Variants in TMEM39A observed in about 807,000 individuals in gnomAD.
TMEM39A encodes the protein suppressor of SQST-1 aggregates in rpl-43 mutants.
TMEM39A carries 19 observed loss-of-function variants against 51.9 expected under a neutral mutation model. That is an observed-to-expected ratio of 0.37 (90% confidence interval 0.26 to 0.54). The LOEUF (loss-of-function observed/expected upper bound fraction) is 0.54. Among genes scored for constraint, TMEM39A ranks in the 20% least tolerant of loss-of-function variants. The pLI is 0.88. For missense variants in TMEM39A, 433 were observed against 590.5 expected, an observed-to-expected ratio of 0.73 and a Z score of 2.76; for synonymous variants, 197 against 220.2, an observed-to-expected ratio of 0.89 and a Z score of 0.93.
intron 5 of TMEM39A, among the ~76,000 whole-genome samples, chr3:119,441,189 C>T (rs530867851): frequency 1.3e-5 from 2 of 152,236 alleles, no homozygotes; most frequent in South Asian, 2.1e-4. Context: ...AAATGGCCTC[C>T]GAGTGTTCAA....
chr3:119,444,621 T>G lies in TMEM39A; in HGVS notation c.575+2397A>C, dbSNP rs79409385. 1.2e-4 allele frequency among the ~76,000 whole-genome samples: 18 copies of G among 152,320 alleles called. No homozygotes were observed. The East Asian group carries it at 3.5e-3, about 29-fold the overall frequency. ...ACCCACATAAATTCACGCTAACACTTCAGCACCATAAATAATATAAAGCAG... is the reference window on the plus strand; with the variant it reads ...ACCCACATAAATTCACGCTAACACTGCAGCACCATAAATAATATAAAGCAG... On this transcript the variant is annotated intron_variant, in intron 5 of 8. Coordinates refer to ENST00000319172, the MANE Select transcript of TMEM39A (RefSeq NM_018266.3).
chr3:119,454,624 T>C (rs1306363253), intron 3 of TMEM39A, among the ~76,000 whole-genome samples: 1 of 152,184 alleles, frequency 6.6e-6, no homozygotes, highest in Admixed American at 6.5e-5. Flanking sequence ...ACCCTGTCTC[T>C]ACTAAAAATA....
At chr3:119,439,135 A>G (rs748041679) in intron 5 of TMEM39A, among the ~76,000 whole-genome samples, 10 of 152,216 alleles carry the variant, frequency 6.6e-5, no homozygotes, top group Non-Finnish European at 1.2e-4. Context: ...GAGACTTCTG[A>G]TAACTTCTTA....
At chr3:119,439,676 T>C (rs1470251560) in intron 5 of TMEM39A, among the ~76,000 whole-genome samples, 2 of 152,156 alleles carry the variant, frequency 1.3e-5, no homozygotes, top group Non-Finnish European at 2.9e-5. Flanking sequence ...GAACTGATGT[T>C]ACTAATTAAG....
chr3:119,453,777 C>G (rs1358726813), intron 3 of TMEM39A, among the ~76,000 whole-genome samples: 1 of 152,156 alleles, frequency 6.6e-6, no homozygotes, highest in African/African-American at 2.4e-5. Context: ...TTTGTTTTAG[C>G]CACCCTGTTA....
At chr3:119,455,418 A>C (rs2081251249) in intron 3 of TMEM39A, among the ~76,000 whole-genome samples, 1 of 152,252 alleles carries the variant, frequency 6.6e-6, no homozygotes, top group Admixed American at 6.5e-5. Context: ...AAGTGAGCCA[A>C]TCTACTCTAC....
At chr3:119,439,879 C>T (rs187928928) in intron 5 of TMEM39A, among the ~76,000 whole-genome samples, 115 of 152,082 alleles carry the variant, frequency 7.6e-4, no homozygotes, top group Admixed American at 3.4e-3. Context: ...GCAATTCTCC[C>T]GCCTCAGCCT....
chr3:119,461,729 G>A (rs918501780), intron 2 of TMEM39A, among the ~76,000 whole-genome samples: 1 of 152,174 alleles, frequency 6.6e-6, no homozygotes, highest in Non-Finnish European at 1.5e-5. Flanking sequence ...CAAGAATTTA[G>A]ATGATCAGCC....
chr3:119,448,525 C>T (rs1477765952), intron 4 of TMEM39A, among the ~76,000 whole-genome samples: 3 of 152,104 alleles, frequency 2.0e-5, no homozygotes, highest in Non-Finnish European at 4.4e-5. Flanking sequence ...TATATATATA[C>T]AGCATATATA....
At chr3:119,459,046 G>A (rs567084990) in intron 2 of TMEM39A, among the ~76,000 whole-genome samples, 1 of 152,278 alleles carries the variant, frequency 6.6e-6, no homozygotes, top group Non-Finnish European at 1.5e-5. Context: ...GGTTTTTATT[G>A]GGGGCTGGCC....
At chr3:119,461,368 T>A (rs1029358594) in intron 2 of TMEM39A, among the ~76,000 whole-genome samples, 4 of 152,138 alleles carry the variant, frequency 2.6e-5, no homozygotes, top group African/African-American at 9.7e-5. Flanking sequence ...GAAAATACAG[T>A]AGTACTGATT....
intron 7 of TMEM39A, among the ~76,000 whole-genome samples, chr3:119,436,290 A>G (rs902845684): frequency 6.6e-6 from 1 of 152,184 alleles, no homozygotes; most frequent in Non-Finnish European, 1.5e-5. Context: ...TTCAGTAGAG[A>G]GTTTAGAAAG....
intron 3 of TMEM39A, among the ~76,000 whole-genome samples, chr3:119,454,248 T>C (rs1243091387): frequency 6.6e-6 from 1 of 152,236 alleles, no homozygotes. Context: ...TGGAATTAAG[T>C]GGCCAAATTT....
At position 119,432,117 on chromosome 3, in the gene TMEM39A, T is replaced by C; in HGVS notation, c.1331A>G (p.Lys444Arg). The C allele has an allele frequency of 1.9e-6, 3 of 1,613,258 alleles. No homozygotes were observed. The highest frequency in any genetic ancestry group is 2.5e-6 in the Non-Finnish European group (3 of 1,179,466). ...AGCCATGGAAAGTGTGTGGTTCCAC[T>C]TCTCCGACCGCAGCAAGGAATAGAG... ...YQLYSLLRSE[K>R]WNHTLSMALI... The change falls in exon 9 of 9, where the codon AAG (lysine) becomes AGG (arginine). Residue 444 changes from lysine (K) to arginine (R), a missense_variant. Coordinates refer to ENST00000319172, the MANE Select transcript of TMEM39A (RefSeq NM_018266.3).
intron 5 of TMEM39A, among the ~76,000 whole-genome samples, chr3:119,443,045 G>A (rs1449745188): frequency 2.2e-5 from 3 of 135,090 alleles, no homozygotes; most frequent in South Asian, 2.4e-4. Flanking sequence ...CAACCTGGGC[G>A]ACAGTGAGAC....
intron 1 of TMEM39A, among the ~76,000 whole-genome samples, chr3:119,462,697 G>A (rs898279389): frequency 1.3e-4 from 19 of 145,568 alleles, no homozygotes; most frequent in African/African-American, 4.8e-4. Context: ...TGAGGAAGTG[G>A]AATGAAAGGG....
intron 4 of TMEM39A, among the ~76,000 whole-genome samples, chr3:119,452,045 A>C (rs1156716630): frequency 6.6e-6 from 1 of 152,138 alleles, no homozygotes; most frequent in South Asian, 2.1e-4. Context: ...TCTTGCTAAC[A>C]ATCTTCTCAA....
In TMEM39A at chr3:119,462,080, G is replaced by A; in HGVS notation, c.-6C>T. 6.2e-7 allele frequency: 1 copy of A among 1,613,524 alleles called. No homozygotes were observed. The highest frequency in any genetic ancestry group is 2.2e-5 in the East Asian group (1 of 44,862). On this transcript the variant is annotated 5_prime_UTR_variant, in exon 2 of 9. Coordinates refer to ENST00000319172, the MANE Select transcript of TMEM39A (RefSeq NM_018266.3). ...CCCCTCCTTCCACCGGGCATGTCCA[G>A]GAACCAGTCTGCTTCCAGTGCCACC...
At chr3:119,433,856 AT>A (rs1449964590) in intron 8 of TMEM39A, among the ~76,000 whole-genome samples, 1 of 152,152 alleles carries the variant, frequency 6.6e-6, no homozygotes, top group Non-Finnish European at 1.5e-5. Flanking sequence ...CTACCATGGT[AT>A]TTATAAGCAT....
Sources: gnomAD v4.1 joint callset for allele counts (sites outside exome capture counted in the v4.1 genomes callset) on GRCh38, gnomAD v4.1.1 for gene constraint, MANE v1.5 for transcripts, NCBI Gene and HGNC (gene_info 2026-07-23, HGNC 2026-07-21) for gene names.